POLE4: variants seen among roughly 807,000 people sequenced by gnomAD.
The protein encoded by POLE4 is DNA polymerase epsilon subunit 4.
POLE4 carries 15 observed loss-of-function variants against 15.6 expected under a neutral mutation model. That is an observed-to-expected ratio of 0.96 (90% CI 0.64 to 1.48). The LOEUF (loss-of-function observed/expected upper bound fraction) is 1.48. POLE4 is among the 40% of genes most tolerant of loss of function. The pLI, the probability that POLE4 is intolerant of heterozygous loss-of-function variation, is 0.00. For synonymous variants in POLE4, 83 were observed against 63.2 expected (o/e 1.31, Z -1.49); for missense variants, 205 against 151.9 (o/e 1.35, Z -1.84).
chr2:74,958,965 G>C (rs984894301), intron 1 of POLE4, 73 bp downstream of exon 1: 112 of 1,404,886 alleles, frequency 8.0e-5, no homozygotes, highest in Non-Finnish European at 1.0e-4. Context: ...GGCCTCCCGC[G>C]GGCGGGGCTT....
chr2:74,959,874 C>G, intron 2 of POLE4: 1 of 521,008 alleles, frequency 1.9e-6, no homozygotes, highest in Non-Finnish European at 3.4e-6. Flanking sequence ...GCCCCCAACC[C>G]CCGCGTTGAA....
At chr2:74,965,846 C>T (rs186126285) in intron 3 of POLE4, among the ~76,000 whole-genome samples, 9 of 152,212 alleles carry the variant, frequency 5.9e-5, no homozygotes, top group Admixed American at 2.6e-4. Flanking sequence ...TTGCACGGTA[C>T]GGATTTTTGT....
intron 3 of POLE4, 119 bp downstream of exon 3, chr2:74,960,265 T>C: frequency 2.3e-6 from 2 of 860,914 alleles, no homozygotes; most frequent in Admixed American, 3.9e-5. Flanking sequence ...TCTCCGCACT[T>C]GCTATTAGGA....
intron 3 of POLE4, among the ~76,000 whole-genome samples, chr2:74,962,041 G>A (rs921678565): frequency 1.3e-5 from 2 of 152,132 alleles, no homozygotes; most frequent in Non-Finnish European, 2.9e-5. Context: ...TGGTGGTTAC[G>A]TTTATTTCTA....
At chr2:74,969,159 C>G (rs563768169) in intron 3 of POLE4, among the ~76,000 whole-genome samples, 1 of 152,274 alleles carries the variant, frequency 6.6e-6, no homozygotes, top group East Asian at 1.9e-4. Context: ...AACACAACGA[C>G]TTCTTAGCCC....
intron 3 of POLE4, chr2:74,961,284 C>T (rs1671217635): frequency 6.6e-6 from 1 of 152,136 alleles, no homozygotes; most frequent in Admixed American, 6.5e-5. Flanking sequence ...GCCCCTGGTC[C>T]TTTTGATAGA....
intron 3 of POLE4, among the ~76,000 whole-genome samples, chr2:74,963,182 A>G (rs1056286609): frequency 6.6e-6 from 1 of 152,220 alleles, no homozygotes; most frequent in African/African-American, 2.4e-5. Flanking sequence ...GAGTATTCGT[A>G]TCTCCATCTT....
chr2:74,959,603 G>T (rs1017729701), intron 2 of POLE4, 178 bp downstream of exon 2: 3 of 565,122 alleles, frequency 5.3e-6, no homozygotes, highest in Non-Finnish European at 9.6e-6. Context: ...TGCTTGGGGT[G>T]GCGGGGCAGT....
chr2:74,963,590 C>G (rs143755763), intron 3 of POLE4, among the ~76,000 whole-genome samples: 30 of 152,174 alleles, frequency 2.0e-4, no homozygotes, highest in African/African-American at 4.6e-4. Context: ...TGCAGCCCCC[C>G]CTCCCACGTT....
In POLE4 at chr2:74,959,434, G is replaced by C; in HGVS notation, c.298+9G>C. 1 of 1,576,642 alleles carries C rather than the reference G, an allele frequency of 6.3e-7. No individual in the cohort carries two copies. Among genetic ancestry groups the C allele is most frequent in the Non-Finnish European group, 8.7e-7 (1 of 1,146,220 alleles). On this transcript the variant is annotated intron_variant, in intron 2 of 3. Coordinates refer to ENST00000483063, the MANE Select transcript of POLE4 (RefSeq NM_019896.4). Reference sequence around the variant, plus strand: ...TCAGAGGAGAGACTTGGGTAGAGTGGCACTGCAGTGTCTGGGGACAGACAA... The same window carrying C: ...TCAGAGGAGAGACTTGGGTAGAGTGCCACTGCAGTGTCTGGGGACAGACAA...
intron 3 of POLE4, among the ~76,000 whole-genome samples, chr2:74,963,429 T>C (rs1037610900): frequency 6.6e-6 from 1 of 152,176 alleles, no homozygotes; most frequent in African/African-American, 2.4e-5. Flanking sequence ...AGGGGTGTCT[T>C]CTATTTTTCT....
At chr2:74,959,799 T>G in intron 2 of POLE4, 1 of 459,982 alleles carries the variant, frequency 2.2e-6, no homozygotes. Flanking sequence ...CTGCGTCTAT[T>G]GCCACGTTCT....
chr2:74,960,092 C>T lies in POLE4; in HGVS notation c.299-13C>T, dbSNP rs1158572952. 3.1e-6 allele frequency: 5 copies of T among 1,613,118 alleles called. No individual in the cohort carries two copies. The highest frequency in any genetic ancestry group is 4.2e-6 in the Non-Finnish European group (5 of 1,179,174). ...CTGAAGTTAGTCAGGTGTCTCTTTT[C>T]CTTGTGTTTCAGATAATGCAATAGA... On this transcript the variant is annotated splice_polypyrimidine_tract_variant and intron_variant, in intron 2 of 3. Coordinates refer to ENST00000483063, the MANE Select transcript of POLE4 (RefSeq NM_019896.4).
intron 3 of POLE4, among the ~76,000 whole-genome samples, chr2:74,966,814 T>A (rs2103683190): frequency 6.6e-6 from 1 of 152,352 alleles, no homozygotes; most frequent in South Asian, 2.1e-4. Context: ...ATTTTTTTCT[T>A]ATGAAAATGC....
chr2:74,960,611 A>G (rs1671202435), intron 3 of POLE4: 1 of 493,144 alleles, frequency 2.0e-6, no homozygotes, highest in South Asian at 1.5e-5. Flanking sequence ...TAACTTGTGT[A>G]CTAACTAAAT....
At chr2:74,962,006 G>A (rs965769973) in intron 3 of POLE4, among the ~76,000 whole-genome samples, 1 of 152,050 alleles carries the variant, frequency 6.6e-6, no homozygotes, top group East Asian at 1.9e-4. Context: ...TCCACCCACT[G>A]TTTTGTTTGT....
At chr2:74,964,135 A>G (rs1334255989) in intron 3 of POLE4, among the ~76,000 whole-genome samples, 2 of 152,152 alleles carry the variant, frequency 1.3e-5, no homozygotes, top group Non-Finnish European at 2.9e-5. Context: ...TTGCAGTGCT[A>G]CCTTTCTTAT....
chr2:74,962,778 C>T (rs542197073), intron 3 of POLE4, among the ~76,000 whole-genome samples: 1 of 152,316 alleles, frequency 6.6e-6, no homozygotes, highest in East Asian at 1.9e-4. Flanking sequence ...CCTTTCCCGA[C>T]ATTACTGTTT....
At chr2:74,966,500 C>T (rs1388981581) in intron 3 of POLE4, among the ~76,000 whole-genome samples, 1 of 152,198 alleles carries the variant, frequency 6.6e-6, no homozygotes, top group African/African-American at 2.4e-5. Context: ...CTCCTGGGTT[C>T]AAGTGATTCT....
Sources: gnomAD v4.1 joint callset for allele counts (sites outside exome capture counted in the v4.1 genomes callset) on GRCh38, gnomAD v4.1.1 for gene constraint, MANE v1.5 for transcripts, NCBI Gene and HGNC (gene_info 2026-07-23, HGNC 2026-07-21) for gene names.